The following GPR158 variants were observed in gnomAD, a reference collection of about 807,000 sequenced individuals.
GPR158 encodes the protein metabotropic glycine receptor.
Under a neutral mutation model 78.2 loss-of-function variants are expected in GPR158, and 30 were observed. The observed-to-expected ratio is 0.38, with a 90% CI of 0.29 to 0.52. The LOEUF (loss-of-function observed/expected upper bound fraction) is 0.52, where lower values mean the gene tolerates loss of function less well. Ranked by LOEUF, GPR158 falls within the 20% of genes least tolerant of loss-of-function variation. The pLI is 0.83. For synonymous variants in GPR158, 581 were observed against 591.1 expected (o/e 0.98, Z 0.25); for missense variants, 1,463 against 1,523.5 (o/e 0.96, Z 0.66).
intron 2 of GPR158, among the ~76,000 whole-genome samples, chr10:25,239,691 C>A (rs1853577534): frequency 6.6e-6 from 1 of 151,862 alleles, no homozygotes; most frequent in South Asian, 2.1e-4. Flanking sequence ...TATATGCCTG[C>A]CAGTAAAATT....
intron 2 of GPR158, among the ~76,000 whole-genome samples, chr10:25,369,900 GTGTA>G (rs1055594819): frequency 5.3e-4 from 80 of 152,002 alleles, no homozygotes; most frequent in African/African-American, 1.9e-3. Context: ...TCTTGGGAGA[GTGTA>G]TGTGTCAAGG....
At chr10:25,496,014 T>C (rs1835876588) in intron 5 of GPR158, among the ~76,000 whole-genome samples, 1 of 152,076 alleles carries the variant, frequency 6.6e-6, no homozygotes. Context: ...CAGCTCCAGT[T>C]ATGACAACCA....
intron 1 of GPR158, among the ~76,000 whole-genome samples, chr10:25,183,115 A>G (rs1852634241): frequency 6.6e-6 from 1 of 152,166 alleles, no homozygotes; most frequent in Non-Finnish European, 1.5e-5. Flanking sequence ...TAACAAACTA[A>G]AATTACACAT....
chr10:25,271,786 C>T (rs994763896), intron 2 of GPR158, among the ~76,000 whole-genome samples: 8 of 151,122 alleles, frequency 5.3e-5, no homozygotes, highest in Non-Finnish European at 1.0e-4. Context: ...CTCAGTCTCC[C>T]GTGTATCACG....
At chr10:25,373,271 C>A (rs1834028066) in intron 2 of GPR158, among the ~76,000 whole-genome samples, 1 of 151,750 alleles carries the variant, frequency 6.6e-6, no homozygotes, top group African/African-American at 2.4e-5. Context: ...AAGCAACAGA[C>A]ACTGGGGCCC....
At chr10:25,233,112 CTCAGAGGGACTTATAAG>C (rs2130697403) in intron 2 of GPR158, among the ~76,000 whole-genome samples, 1 of 152,316 alleles carries the variant, frequency 6.6e-6, no homozygotes, top group South Asian at 2.1e-4. Flanking sequence ...GATAAACATG[CTCAGAGGGACTTATAAG>C]TCTGGAGGAG....
At chr10:25,581,748 A>C (rs1837202349) in intron 7 of GPR158, among the ~76,000 whole-genome samples, 1 of 152,298 alleles carries the variant, frequency 6.6e-6, no homozygotes, top group Non-Finnish European at 1.5e-5. Flanking sequence ...GGCTTTCATA[A>C]AAGATCAAAA....
chr10:25,313,015 A>T lies in GPR158; in HGVS notation c.1009-82896A>T, dbSNP rs138213822. Among the ~76,000 whole-genome samples the T allele has an allele frequency of 6.2e-3, 939 of 152,094 alleles. 13 individuals are homozygous for T. Among genetic ancestry groups the T allele is most frequent in the African/African-American group, 0.021 (883 of 41,496 alleles). ...AGGACCTCTTGAAAGAGTCTTGGGG[A>T]TCCTTTGGGGTTTGCATACCTTACT... On this transcript the variant is annotated intron_variant, in intron 2 of 10. Coordinates refer to ENST00000376351, the MANE Select transcript of GPR158 (RefSeq NM_020752.3).
intron 4 of GPR158, chr10:25,466,399 A>G (rs1312773183): frequency 2.7e-6 from 1 of 375,618 alleles, no homozygotes; most frequent in East Asian, 4.2e-5. Flanking sequence ...AGGCTTTTTA[A>G]TGATACAAAT....
At chr10:25,418,981 G>A (rs1225851459) in intron 4 of GPR158, among the ~76,000 whole-genome samples, 1 of 151,770 alleles carries the variant, frequency 6.6e-6, no homozygotes, top group Non-Finnish European at 1.5e-5. Flanking sequence ...TATAGTATGT[G>A]AAGTGATTTT....
chr10:25,580,923 A>ATTTTTTT (rs71677287), intron 7 of GPR158, among the ~76,000 whole-genome samples: 1 of 102,964 alleles, frequency 9.7e-6, no homozygotes, highest in African/African-American at 6.4e-5. Flanking sequence ...ATTTTATTTT[A>ATTTTTTT]TTTTATTTTT....
chr10:25,583,128 G>A (rs1455093751), intron 7 of GPR158, among the ~76,000 whole-genome samples: 1 of 152,078 alleles, frequency 6.6e-6, no homozygotes, highest in Non-Finnish European at 1.5e-5. Flanking sequence ...AGCCCATCCC[G>A]GGGCTCTGTG....
chr10:25,566,741 TATGCCAGTG>T (rs1272943833), intron 6 of GPR158, among the ~76,000 whole-genome samples: 2 of 152,240 alleles, frequency 1.3e-5, no homozygotes, highest in Non-Finnish European at 2.9e-5. Flanking sequence ...AACCTATTTC[TATGCCAGTG>T]ATGCCAGTCT....
intron 2 of GPR158, among the ~76,000 whole-genome samples, chr10:25,337,081 G>A (rs898589454): frequency 2.0e-5 from 3 of 152,048 alleles, no homozygotes; most frequent in Non-Finnish European, 4.4e-5. Flanking sequence ...AAATATAGCA[G>A]CATTTCACAT....
intron 2 of GPR158, among the ~76,000 whole-genome samples, chr10:25,240,246 T>G (rs1853585260): frequency 6.6e-6 from 1 of 152,200 alleles, no homozygotes; most frequent in Non-Finnish European, 1.5e-5. Flanking sequence ...CAGTGGCTCA[T>G]GCCTGTAATC....
chr10:25,374,086 T>C (rs1056834873), intron 2 of GPR158, among the ~76,000 whole-genome samples: 1 of 151,736 alleles, frequency 6.6e-6, no homozygotes, highest in African/African-American at 2.4e-5. Flanking sequence ...ATTTTCCTTA[T>C]TAAGTTTAAA....
chr10:25,393,817 A>T (rs1177492028), intron 2 of GPR158: 1 of 152,202 alleles, frequency 6.6e-6, no homozygotes, highest in Non-Finnish European at 1.5e-5. Context: ...GAGGTGGCAG[A>T]TGTTGCAGCC....
At chr10:25,454,419 A>G (rs568303137) in intron 4 of GPR158, among the ~76,000 whole-genome samples, 1 of 152,304 alleles carries the variant, frequency 6.6e-6, no homozygotes, top group East Asian at 1.9e-4. Context: ...AAGACAGATT[A>G]AGGCGTGGAA....
intron 4 of GPR158, among the ~76,000 whole-genome samples, chr10:25,437,393 T>G (rs562676815): frequency 5.5e-5 from 4 of 72,322 alleles, no homozygotes; most frequent in African/African-American, 1.7e-4. Context: ...GCCTGGCTCA[T>G]TTTTGTATTT....
Sources: allele counts gnomAD v4.1 joint callset (sites outside exome capture counted in the v4.1 genomes callset), GRCh38; gene constraint gnomAD v4.1.1; transcripts MANE v1.5; gene names NCBI Gene and HGNC (gene_info 2026-07-23, HGNC 2026-07-21).